ZNF407: variants seen among roughly 807,000 people sequenced by gnomAD.
The protein encoded by ZNF407 is zinc finger protein 407.
In ZNF407, 17 loss-of-function variants were observed where a neutral mutation model predicts 131.2. The ratio of observed to expected loss-of-function variants is 0.13; its 90% confidence interval spans 0.09 to 0.19. The LOEUF (loss-of-function observed/expected upper bound fraction) is 0.19, where lower values mean the gene tolerates loss of function less well. Ranked by LOEUF, ZNF407 falls within the 10% of genes least tolerant of loss-of-function variation. The pLI is 1.00. For synonymous variants in ZNF407, 1,156 were observed against 1,062.0 expected (o/e 1.09, Z -1.72); for missense variants, 2,681 against 2,830.6 (o/e 0.95, Z 1.20).
chr18:74,754,561 T>C (rs1341692147), intron 3 of ZNF407, among the ~76,000 whole-genome samples: 1 of 152,208 alleles, frequency 6.6e-6, no homozygotes, highest in Admixed American at 6.5e-5. Flanking sequence ...TTTGTTCTCA[T>C]TGGTTTCAAA....
chr18:74,978,981 T>C (rs1328462326), intron 8 of ZNF407, among the ~76,000 whole-genome samples: 1 of 152,058 alleles, frequency 6.6e-6, no homozygotes, highest in Non-Finnish European at 1.5e-5. Flanking sequence ...TGGAGGCTGC[T>C]GTGTAGTTTG....
At chr18:74,994,766 G>T (rs953586525) in intron 8 of ZNF407, among the ~76,000 whole-genome samples, 3 of 152,196 alleles carry the variant, frequency 2.0e-5, no homozygotes, top group African/African-American at 4.8e-5. Flanking sequence ...AAGAATAGAT[G>T]ATGGAAAGGG....
chr18:74,904,384 T>A (rs1194884472), intron 7 of ZNF407, among the ~76,000 whole-genome samples: 1 of 152,186 alleles, frequency 6.6e-6, no homozygotes, highest in Non-Finnish European at 1.5e-5. Context: ...TTATTTTTTC[T>A]CTTTGGGGCT....
intron 4 of ZNF407, among the ~76,000 whole-genome samples, chr18:74,821,343 C>A (rs1277461966): frequency 6.6e-6 from 1 of 151,914 alleles, no homozygotes; most frequent in East Asian, 1.9e-4. Context: ...CATAGGTATA[C>A]ACATGCCATG....
intron 4 of ZNF407, among the ~76,000 whole-genome samples, chr18:74,816,409 C>T (rs1970268143): frequency 6.6e-6 from 1 of 152,204 alleles, no homozygotes; most frequent in South Asian, 2.1e-4. Context: ...TTCACTTGCC[C>T]TGTCTACTCT....
intron 4 of ZNF407, among the ~76,000 whole-genome samples, chr18:74,782,044 T>A (rs1318176481): frequency 6.6e-6 from 1 of 152,194 alleles, no homozygotes; most frequent in African/African-American, 2.4e-5. Context: ...ATAATTAGCT[T>A]CATCGCATAG....
chr18:74,816,142 G>A (rs1235120202), intron 4 of ZNF407, among the ~76,000 whole-genome samples: 1 of 152,072 alleles, frequency 6.6e-6, no homozygotes, highest in Admixed American at 6.6e-5. Flanking sequence ...ACTTCTCTTT[G>A]GTTTATCCAA....
chr18:75,035,435 GT>G (rs929012478), intron 8 of ZNF407, among the ~76,000 whole-genome samples: 2 of 152,178 alleles, frequency 1.3e-5, no homozygotes, highest in Non-Finnish European at 2.9e-5. Context: ...GCAAATAACG[GT>G]TTAGTGATGA....
chr18:74,825,614 A>G (rs17055670), intron 4 of ZNF407, among the ~76,000 whole-genome samples: 13,251 of 152,180 alleles, frequency 0.087, 653 homozygotes, highest in South Asian at 0.17. Flanking sequence ...GTGGTCAAAA[A>G]TGTATGCCAA....
intron 1 of ZNF407, among the ~76,000 whole-genome samples, chr18:74,625,892 G>A (rs958015128): frequency 2.0e-5 from 3 of 152,164 alleles, no homozygotes; most frequent in African/African-American, 7.2e-5. Context: ...TTACAGTCTA[G>A]CGTGTAGAGA....
rs540490078 is a variant in ZNF407 at position 74,892,466 on chromosome 18, C to T, written c.5249+2428C>T. Among the ~76,000 whole-genome samples the T allele has an allele frequency of 7.9e-5, 12 of 152,282 alleles. No individual in the cohort carries two copies. In the East Asian group the frequency reaches 1.7e-3, roughly 22 times the overall value. On this transcript the variant is annotated intron_variant, in intron 7 of 8. Coordinates refer to ENST00000299687, the MANE Select transcript of ZNF407 (RefSeq NM_017757.3). ...TCGGCCACGTCAGTCGCTTGATGAG[C>T]GTCCGCCCTTGTTTTCACTGTCATC... is the stretch of plus-strand genomic sequence containing the variant.
chr18:74,617,189 G>GCACATCCATATCC (rs1983352930), intron 1 of ZNF407, among the ~76,000 whole-genome samples: 8 of 21,210 alleles, frequency 3.8e-4, no homozygotes, highest in South Asian at 1.5e-3. Flanking sequence ...CACACACATC[G>GCACATCCATATCC]ACACACTTTA....
At chr18:74,867,007 AAAGG>A (rs1411848789) in intron 4 of ZNF407, among the ~76,000 whole-genome samples, 2 of 150,308 alleles carry the variant, frequency 1.3e-5, no homozygotes, top group Non-Finnish European at 3.0e-5. Flanking sequence ...AAAAAAAAAA[AAAGG>A]AAGAAATTTA....
intron 8 of ZNF407, among the ~76,000 whole-genome samples, chr18:74,937,782 G>T (rs1972055037): frequency 6.6e-6 from 1 of 152,114 alleles, no homozygotes; most frequent in Admixed American, 6.5e-5. Flanking sequence ...TCACCAGGCA[G>T]GGGATCAATT....
At chr18:74,988,169 G>T (rs906354986) in intron 8 of ZNF407, among the ~76,000 whole-genome samples, 2 of 152,186 alleles carry the variant, frequency 1.3e-5, no homozygotes, top group Non-Finnish European at 2.9e-5. Flanking sequence ...AGGAAGGAAT[G>T]ATCTTTTTAA....
chr18:74,714,227 A>T (rs1321618665), intron 3 of ZNF407, among the ~76,000 whole-genome samples: 1 of 152,238 alleles, frequency 6.6e-6, no homozygotes, highest in East Asian at 1.9e-4. Context: ...ATGTAATTGC[A>T]AAAATTAACT....
At chr18:74,693,374 G>A (rs949237104) in intron 3 of ZNF407, among the ~76,000 whole-genome samples, 19 of 152,196 alleles carry the variant, frequency 1.2e-4, no homozygotes, top group South Asian at 2.1e-4. Flanking sequence ...ATTTCAAAAC[G>A]TTTTCTAATT....
chr18:74,693,327 G>A (rs1967275186), intron 3 of ZNF407, among the ~76,000 whole-genome samples: 1 of 152,154 alleles, frequency 6.6e-6, no homozygotes. Context: ...TTCTACATCT[G>A]AACATGCATA....
chr18:74,758,188 CAT>C (rs1969008271), intron 3 of ZNF407, among the ~76,000 whole-genome samples: 6 of 152,060 alleles, frequency 3.9e-5, no homozygotes. Flanking sequence ...TGTTTTTCTA[CAT>C]GTCTTTATGC....
Sources: gnomAD v4.1 joint callset for allele counts (sites outside exome capture counted in the v4.1 genomes callset) on GRCh38, gnomAD v4.1.1 for gene constraint, MANE v1.5 for transcripts, NCBI Gene and HGNC (gene_info 2026-07-23, HGNC 2026-07-21) for gene names.